PKN2: variants seen among roughly 807,000 people sequenced by gnomAD.
PKN2 encodes the protein serine/threonine-protein kinase N2.
A neutral mutation model predicts 119.1 loss-of-function variants in PKN2; 38 were observed. The ratio of observed to expected loss-of-function variants is 0.32; its 90% confidence interval spans 0.25 to 0.42. The LOEUF (loss-of-function observed/expected upper bound fraction) is 0.42, where lower values mean the gene tolerates loss of function less well. Among genes scored for constraint, PKN2 ranks in the 10% least tolerant of loss-of-function variants. PKN2 has a pLI of 1.00. For missense variants in PKN2, 850 were observed against 1,165.1 expected (o/e 0.73, Z 3.94); for synonymous variants, 390 against 384.9 (o/e 1.01, Z -0.15).
At chr1:88,709,499 G>A (rs1667139402) in intron 1 of PKN2, among the ~76,000 whole-genome samples, 1 of 152,160 alleles carries the variant, frequency 6.6e-6, no homozygotes, top group Non-Finnish European at 1.5e-5. Flanking sequence ...GCTGAATTGG[G>A]ATAATGAAGG....
At chr1:88,749,987 C>T (rs1668923198) in intron 2 of PKN2, among the ~76,000 whole-genome samples, 1 of 152,162 alleles carries the variant, frequency 6.6e-6, no homozygotes, top group Non-Finnish European at 1.5e-5. Context: ...AAGGTTATAT[C>T]ATCTGAGATG....
At chr1:88,793,679 A>G (rs1049416189) in intron 8 of PKN2, among the ~76,000 whole-genome samples, 5 of 152,132 alleles carry the variant, frequency 3.3e-5, no homozygotes, top group Admixed American at 2.6e-4. Flanking sequence ...ACCAAAATCC[A>G]TGGATGCTCA....
chr1:88,724,940 A>G (rs1214341548), intron 1 of PKN2, among the ~76,000 whole-genome samples: 1 of 122,888 alleles, frequency 8.1e-6, no homozygotes, highest in Non-Finnish European at 1.6e-5. Context: ...TCTGTCACCC[A>G]GGCTGGAGTA....
chr1:88,796,026 G>A (rs2100852821), intron 8 of PKN2, among the ~76,000 whole-genome samples: 1 of 152,260 alleles, frequency 6.6e-6, no homozygotes, highest in East Asian at 1.9e-4. Flanking sequence ...TAACCTATTT[G>A]TTCTACAAAC....
At position 88,771,594 on chromosome 1, in the gene PKN2, G is replaced by C. The variant is rs199579064; in HGVS notation, c.768+28G>C. ...AATTTTAAATAAAAATTTTTATTTG[G>C]TTTAATAAATACATTATTCAAAGTA... On this transcript the variant is annotated intron_variant, in intron 5 of 21. Transcript: ENST00000370521. 4.5e-6 allele frequency: 7 copies of C among 1,564,232 alleles called. No individual in the cohort carries two copies. The Admixed American group carries it at 1.3e-4, about 28-fold the overall frequency.
At chr1:88,752,516 G>A (rs930648479) in intron 2 of PKN2, among the ~76,000 whole-genome samples, 3 of 152,094 alleles carry the variant, frequency 2.0e-5, no homozygotes, top group East Asian at 1.9e-4. Context: ...TTAAAATTTC[G>A]TGGAATGCAG....
intron 1 of PKN2, among the ~76,000 whole-genome samples, chr1:88,736,580 G>T (rs918962109): frequency 1.3e-5 from 2 of 152,050 alleles, no homozygotes. Context: ...AGACAGACTG[G>T]TCTCAAACTC....
intron 3 of PKN2, among the ~76,000 whole-genome samples, chr1:88,764,804 G>T (rs1004623198): frequency 3.9e-5 from 6 of 152,142 alleles, no homozygotes; most frequent in African/African-American, 1.4e-4. Context: ...TGGTAGTGTG[G>T]CTTTAAGCAG....
At chr1:88,804,278 G>A in intron 8 of PKN2, 113 bp from the exon 9 acceptor site, 1 of 755,470 alleles carries the variant, frequency 1.3e-6, no homozygotes, top group South Asian at 1.9e-5. Flanking sequence ...ACCTTTGTGT[G>A]TGTAATTTTT....
chr1:88,724,329 A>G (rs1667810443), intron 1 of PKN2, among the ~76,000 whole-genome samples: 1 of 152,070 alleles, frequency 6.6e-6, no homozygotes, highest in African/African-American at 2.4e-5. Flanking sequence ...CTAGGCCTTG[A>G]ATCTTGTGTA....
intron 16 of PKN2, among the ~76,000 whole-genome samples, chr1:88,814,936 G>C (rs1570672490): frequency 6.6e-6 from 1 of 152,226 alleles, no homozygotes; most frequent in East Asian, 1.9e-4. Flanking sequence ...ATAACCATTA[G>C]AGGTATTTAG....
chr1:88,711,005 G>A (rs1557556145), intron 1 of PKN2, among the ~76,000 whole-genome samples: 1 of 152,136 alleles, frequency 6.6e-6, no homozygotes, highest in African/African-American at 2.4e-5. Flanking sequence ...GTGGGGACAT[G>A]GATGGAACTG....
chr1:88,759,892 C>A (rs1164587828), intron 2 of PKN2, among the ~76,000 whole-genome samples: 1 of 152,112 alleles, frequency 6.6e-6, no homozygotes, highest in Admixed American at 6.6e-5. Flanking sequence ...AAGCCCAGAA[C>A]CAGAGGGGTT....
At chr1:88,812,745 C>T (rs1557629490) in intron 15 of PKN2, among the ~76,000 whole-genome samples, 1 of 152,040 alleles carries the variant, frequency 6.6e-6, no homozygotes. Flanking sequence ...CTCAAAAAAA[C>T]ACACAACTAT....
intron 1 of PKN2, among the ~76,000 whole-genome samples, chr1:88,724,948 G>A (rs1235127252): frequency 6.8e-6 from 1 of 146,456 alleles, no homozygotes; most frequent in African/African-American, 2.6e-5. Flanking sequence ...CCAGGCTGGA[G>A]TACGGTGGCA....
intron 16 of PKN2, among the ~76,000 whole-genome samples, chr1:88,814,148 A>G (rs1671891031): frequency 6.6e-6 from 1 of 152,152 alleles, no homozygotes; most frequent in South Asian, 2.1e-4. Flanking sequence ...TGCCTTTCTA[A>G]AGCATAATTT....
At chr1:88,696,488 G>T (rs1256547268) in intron 1 of PKN2, among the ~76,000 whole-genome samples, 1 of 152,044 alleles carries the variant, frequency 6.6e-6, no homozygotes, top group Non-Finnish European at 1.5e-5. Context: ...CTTGCCTGTG[G>T]TCTCCAAGTT....
At chr1:88,758,189 A>C (rs186846220) in intron 2 of PKN2, among the ~76,000 whole-genome samples, 147 of 152,078 alleles carry the variant, frequency 9.7e-4, no homozygotes, top group Non-Finnish European at 1.8e-3. Context: ...ATCTGCAGGC[A>C]TTGATTTATA....
intron 15 of PKN2, among the ~76,000 whole-genome samples, chr1:88,812,619 C>T (rs1671822461): frequency 6.6e-6 from 1 of 152,028 alleles, no homozygotes. Context: ...TCCTGTAGTA[C>T]CAGCTACTCA....
Sources: gnomAD v4.1 joint callset for allele counts (sites outside exome capture counted in the v4.1 genomes callset) on GRCh38, gnomAD v4.1.1 for gene constraint, MANE v1.5 for transcripts, NCBI Gene and HGNC (gene_info 2026-07-23, HGNC 2026-07-21) for gene names.